DPP10: variants seen among roughly 807,000 people sequenced by gnomAD.
DPP10 encodes dipeptidyl peptidase like 10.
In DPP10, 33 loss-of-function variants were observed where a neutral mutation model predicts 120.9. The ratio of observed to expected loss-of-function variants is 0.27; its 90% CI spans 0.21 to 0.37. The LOEUF is 0.37. DPP10 is among the 10% of genes least tolerant of loss of function. DPP10 has a pLI of 1.00. For synonymous variants in DPP10, 337 were observed against 326.1 expected (o/e 1.03, Z -0.36); for missense variants, 816 against 942.8 (o/e 0.87, Z 1.76).
chr2:114,901,069 C>T (rs532652918), intron 1 of DPP10, among the ~76,000 whole-genome samples: 1 of 152,186 alleles, frequency 6.6e-6, no homozygotes, highest in South Asian at 2.1e-4. Context: ...CAAGAACAAA[C>T]ATCAAATTTA....
At chr2:114,466,309 G>T (rs1679371883) in intron 1 of DPP10, among the ~76,000 whole-genome samples, 1 of 152,100 alleles carries the variant, frequency 6.6e-6, no homozygotes, top group Non-Finnish European at 1.5e-5. Context: ...TATTTATGTG[G>T]TTTGTTCATA....
chr2:115,828,463 T>C (rs1688601640), intron 21 of DPP10, among the ~76,000 whole-genome samples: 1 of 152,150 alleles, frequency 6.6e-6, no homozygotes, highest in Non-Finnish European at 1.5e-5. Context: ...TTTTTTGTTG[T>C]CCACTTTCTC....
intron 1 of DPP10, among the ~76,000 whole-genome samples, chr2:115,020,833 G>T (rs1270724544): frequency 6.6e-6 from 1 of 152,062 alleles, no homozygotes; most frequent in African/African-American, 2.4e-5. Context: ...TGAGACCACA[G>T]TCGAATACAA....
At chr2:114,659,783 T>C (rs1346421202) in intron 1 of DPP10, among the ~76,000 whole-genome samples, 1 of 152,134 alleles carries the variant, frequency 6.6e-6, no homozygotes, top group African/African-American at 2.4e-5. Context: ...AAATCCAATG[T>C]CTAGTTTTGT....
chr2:115,284,970 A>G (rs771774732), intron 1 of DPP10, among the ~76,000 whole-genome samples: 3 of 152,016 alleles, frequency 2.0e-5, no homozygotes, highest in Non-Finnish European at 4.4e-5. Flanking sequence ...TAAGATATGG[A>G]TGTGTAGCTA....
intron 5 of DPP10, among the ~76,000 whole-genome samples, chr2:115,636,079 C>G (rs2086302124): frequency 1.3e-5 from 2 of 150,036 alleles, no homozygotes. Context: ...TGATGACATG[C>G]AATGGGAGAT....
intron 1 of DPP10, among the ~76,000 whole-genome samples, chr2:114,781,844 G>A (rs919397259): frequency 2.0e-5 from 3 of 152,138 alleles, no homozygotes; most frequent in Non-Finnish European, 4.4e-5. Flanking sequence ...GGACTGGAAG[G>A]AGCGTCCAGG....
chr2:115,685,234 GTTA>G lies in DPP10; in HGVS notation c.442-4445_442-4443del, dbSNP rs200372572. On this transcript the variant is annotated intron_variant, in intron 5 of 25. Coordinates refer to ENST00000410059, the MANE Select transcript of DPP10 (RefSeq NM_020868.6). ...GGTATGTAGTGAAAGCTAAATTTGA[GTTA>G]TTATTATATGCAGGACTATCTTAAG... is the stretch of plus-strand genomic sequence containing the variant. Among the ~76,000 whole-genome samples, 1,137 of 151,938 alleles carry G rather than the reference GTTA, an allele frequency of 7.5e-3. 12 individuals are homozygous for G. Among genetic ancestry groups the G allele is most frequent in the African/African-American group, 0.024 (975 of 41,482 alleles).
chr2:114,927,324 T>A (rs1160544194), intron 1 of DPP10, among the ~76,000 whole-genome samples: 1 of 151,836 alleles, frequency 6.6e-6, no homozygotes, highest in Non-Finnish European at 1.5e-5. Flanking sequence ...AAAGGTTTTT[T>A]TTTTTGCCAA....
At chr2:114,450,486 CTCAAT>C (rs1678201431) in intron 1 of DPP10, among the ~76,000 whole-genome samples, 1 of 151,812 alleles carries the variant, frequency 6.6e-6, no homozygotes, top group Admixed American at 6.6e-5. Flanking sequence ...ATAGCAGGAG[CTCAAT>C]TAATATTGTT....
chr2:114,832,433 G>A (rs557081053), intron 1 of DPP10, among the ~76,000 whole-genome samples: 2 of 152,332 alleles, frequency 1.3e-5, no homozygotes, highest in South Asian at 2.1e-4. Context: ...TACTCAGGAG[G>A]CTGAGGCAGG....
intron 1 of DPP10, among the ~76,000 whole-genome samples, chr2:114,846,805 C>T (rs1279208159): frequency 6.6e-6 from 1 of 152,080 alleles, no homozygotes; most frequent in South Asian, 2.1e-4. Context: ...TGGCTACTTC[C>T]AATTAGGCTG....
intron 1 of DPP10, among the ~76,000 whole-genome samples, chr2:115,301,830 C>G (rs1404113288): frequency 2.0e-5 from 3 of 151,908 alleles, no homozygotes; most frequent in Non-Finnish European, 4.4e-5. Context: ...ACCTCTAAAT[C>G]GTGATGCTAA....
At chr2:115,217,496 T>C (rs139599100) in intron 1 of DPP10, among the ~76,000 whole-genome samples, 1 of 152,348 alleles carries the variant, frequency 6.6e-6, no homozygotes, top group Non-Finnish European at 1.5e-5. Flanking sequence ...TAATTGGCTA[T>C]GCATCGATCT....
chr2:115,521,587 T>G (rs1048927319), intron 4 of DPP10, among the ~76,000 whole-genome samples: 1 of 150,770 alleles, frequency 6.6e-6, no homozygotes, highest in African/African-American at 2.5e-5. Flanking sequence ...TCTTTCTCCA[T>G]CTTCAAATCT....
intron 21 of DPP10, among the ~76,000 whole-genome samples, chr2:115,834,678 A>G (rs984561420): frequency 2.0e-5 from 3 of 152,228 alleles, no homozygotes; most frequent in Non-Finnish European, 2.9e-5. Flanking sequence ...AACATTATTC[A>G]TTATATCCCA....
intron 5 of DPP10, among the ~76,000 whole-genome samples, chr2:115,612,171 T>C (rs1180491528): frequency 6.6e-6 from 1 of 152,148 alleles, no homozygotes; most frequent in African/African-American, 2.4e-5. Context: ...GCTCATCAGC[T>C]TCTAACTATG....
At chr2:115,685,697 G>T (rs2090951465) in intron 5 of DPP10, among the ~76,000 whole-genome samples, 1 of 151,924 alleles carries the variant, frequency 6.6e-6, no homozygotes, top group African/African-American at 2.4e-5. Context: ...TTTAAAAATA[G>T]TTATTGTGGT....
Position 115,836,143 on chromosome 2 carries a change from T to TATATATA in DPP10, c.1951-14_1951-13insATATATA. On this transcript the variant is annotated splice_polypyrimidine_tract_variant and intron_variant, in intron 21 of 25. Transcript: ENST00000410059. Reference sequence around the variant, plus strand: ...AGATATATATATATATATATATATATTTTTCCCCCCCAGGGTTATGGTGGC... The same window carrying TATATATA: ...AGATATATATATATATATATATATATATATATATTTTCCCCCCCAGGGTTATGGTGGC... 7.1e-7 allele frequency: 1 copy of TATATATA among 1,406,892 alleles called. No individual in the cohort carries two copies. The highest frequency in any genetic ancestry group is 1.4e-5 in the South Asian group (1 of 69,744). 87.2% of individuals were successfully genotyped at this position (1,406,892 alleles called of 1,614,324 possible).
Sources: allele counts gnomAD v4.1 joint callset (sites outside exome capture counted in the v4.1 genomes callset), GRCh38; gene constraint gnomAD v4.1.1; transcripts MANE v1.5; gene names NCBI Gene and HGNC (gene_info 2026-07-23, HGNC 2026-07-21).